ANKRD17: variants seen among roughly 807,000 people sequenced by gnomAD.
The protein encoded by ANKRD17 is ankyrin repeat domain-containing protein 17.
Under a neutral mutation model 229.7 loss-of-function variants are expected in ANKRD17, and 19 were observed. That is an observed-to-expected ratio of 0.08 (90% confidence interval 0.06 to 0.12). The LOEUF is 0.12. Among genes scored for constraint, ANKRD17 ranks in the 10% least tolerant of loss-of-function variants. The probability of loss-of-function intolerance (pLI) is 1.00; values close to 1 mark genes in which losing one functional copy is unlikely to be tolerated. For synonymous variants in ANKRD17, 1,112 were observed against 1,146.1 expected (o/e 0.97, Z 0.60); for missense variants, 2,176 against 3,176.8 (o/e 0.68, Z 7.57).
chr4:73,139,752 G>A lies in ANKRD17; in HGVS notation c.2864C>T (p.Pro955Leu), dbSNP rs1330310611. The part of the protein sequence containing the change: ...AAQMGFAPIQ[P>L]LAMPQALPLA... ...AGGCAAAGCTTGAGGCATCGCCAGA[G>A]GCTGGATTGGCGCAAAACCCATCTG... The change falls in exon 15 of 34, where the codon CCT becomes CTT. Residue 955 changes from proline (P) to leucine (L), a missense_variant. Pro to Leu is a moderately conservative substitution (Grantham distance 98). This residue lies in a region of ANKRD17 where 230 missense variants were observed against 252.3 expected (regional missense o/e 0.91). Transcript: ENST00000358602. The A allele has an allele frequency of 6.2e-7, 1 of 1,614,180 alleles. No homozygotes were observed. Among genetic ancestry groups the A allele is most frequent in the African/African-American group, 1.3e-5 (1 of 75,040 alleles).
chr4:73,098,566 G>A, intron 25 of ANKRD17, 46 bp from the exon 26 acceptor site: 1 of 1,542,244 alleles, frequency 6.5e-7, no homozygotes, highest in Non-Finnish European at 8.8e-7. Flanking sequence ...AGTGTTCCCA[G>A]AATGTATTTA....
intron 1 of ANKRD17, among the ~76,000 whole-genome samples, chr4:73,227,601 AT>A (rs1742642200): frequency 2.0e-5 from 3 of 152,192 alleles, no homozygotes; most frequent in Admixed American, 2.0e-4. Flanking sequence ...ATGTAAACAT[AT>A]AAAAATAATT....
intron 30 of ANKRD17, among the ~76,000 whole-genome samples, chr4:73,083,670 G>A (rs1721794966): frequency 6.6e-6 from 1 of 152,124 alleles, no homozygotes. Flanking sequence ...GGGTGGTGTG[G>A]TGGTACACGC....
chr4:73,083,695 C>T (rs1267381954), intron 30 of ANKRD17, among the ~76,000 whole-genome samples: 1 of 152,106 alleles, frequency 6.6e-6, no homozygotes, highest in Admixed American at 6.6e-5. Flanking sequence ...AATTCCAGCA[C>T]TTTGGGAGCT....
chr4:73,244,652 C>G (rs1744330124), intron 1 of ANKRD17, among the ~76,000 whole-genome samples: 1 of 152,110 alleles, frequency 6.6e-6, no homozygotes, highest in African/African-American at 2.4e-5. Context: ...GAATAACAAA[C>G]TTCTATCTTG....
At chr4:73,109,694 C>A (rs1383980895) in intron 24 of ANKRD17, among the ~76,000 whole-genome samples, 8 of 151,954 alleles carry the variant, frequency 5.3e-5, no homozygotes. Flanking sequence ...AAGCTACTGT[C>A]AGCATAAAAG....
intron 1 of ANKRD17, among the ~76,000 whole-genome samples, chr4:73,248,277 A>G (rs1744681937): frequency 6.6e-6 from 1 of 151,950 alleles, no homozygotes; most frequent in Non-Finnish European, 1.5e-5. Context: ...TCCAGGAGAC[A>G]CTCATAAAAG....
intron 2 of ANKRD17, among the ~76,000 whole-genome samples, chr4:73,162,207 C>G (rs761502706): frequency 6.6e-6 from 1 of 152,076 alleles, no homozygotes; most frequent in Non-Finnish European, 1.5e-5. Context: ...CACTACCATG[C>G]TTGGCTAATT....
At chr4:73,131,489 T>G (rs1197042315) in intron 16 of ANKRD17, among the ~76,000 whole-genome samples, 1 of 152,216 alleles carries the variant, frequency 6.6e-6, no homozygotes, top group African/African-American at 2.4e-5. Flanking sequence ...ATGTTAAGTA[T>G]GCAAAGATGA....
chr4:73,192,896 T>G (rs1351627872), intron 1 of ANKRD17, among the ~76,000 whole-genome samples: 1 of 152,144 alleles, frequency 6.6e-6, no homozygotes. Flanking sequence ...TTATGTTCTC[T>G]TCTTTTAATT....
At chr4:73,153,053 C>T (rs1310718646) in intron 6 of ANKRD17, among the ~76,000 whole-genome samples, 1 of 152,078 alleles carries the variant, frequency 6.6e-6, no homozygotes, top group Admixed American at 6.6e-5. Context: ...AACACCAGGG[C>T]CAGAACTAGG....
At chr4:73,104,081 T>C (rs920602911) in intron 24 of ANKRD17, 39 of 152,172 alleles carry the variant, frequency 2.6e-4, no homozygotes, top group Non-Finnish European at 7.3e-5. Flanking sequence ...ATACCCATAC[T>C]TTCTCCAGCA....
chr4:73,257,280 G>C (rs1471349087), intron 1 of ANKRD17, among the ~76,000 whole-genome samples: 2 of 152,216 alleles, frequency 1.3e-5, no homozygotes, highest in East Asian at 1.9e-4. Context: ...TTGGTTGTCA[G>C]TATGGTATGT....
intron 1 of ANKRD17, among the ~76,000 whole-genome samples, chr4:73,233,922 G>C (rs1338303868): frequency 6.6e-6 from 1 of 151,888 alleles, no homozygotes; most frequent in Admixed American, 6.6e-5. Context: ...TTGTCCTTAA[G>C]AGTTCTAAAA....
intron 1 of ANKRD17, among the ~76,000 whole-genome samples, chr4:73,229,076 T>A (rs544680394): frequency 3.3e-4 from 50 of 152,150 alleles, no homozygotes; most frequent in Non-Finnish European, 6.3e-4. Context: ...AGGTGGGAAT[T>A]GAACAATGAG....
At chr4:73,111,988 A>G (rs1725375912) in intron 24 of ANKRD17, among the ~76,000 whole-genome samples, 2 of 152,236 alleles carry the variant, frequency 1.3e-5, no homozygotes. Context: ...GTGCTTGTGA[A>G]GAGGAAACTA....
intron 1 of ANKRD17, among the ~76,000 whole-genome samples, chr4:73,246,078 TAACA>T (rs1744474290): frequency 6.6e-6 from 1 of 152,074 alleles, no homozygotes; most frequent in Non-Finnish European, 1.5e-5. Flanking sequence ...CTAAGGAAGA[TAACA>T]AACAAGAAAG....
In ANKRD17 at chr4:73,121,774, G is replaced by T; in HGVS notation, c.3493-15C>A. 6.4e-7 allele frequency: 1 copy of T among 1,568,600 alleles called. No homozygotes were observed. The highest frequency in any genetic ancestry group is 8.6e-7 in the Non-Finnish European group (1 of 1,164,822). On this transcript the variant is annotated splice_polypyrimidine_tract_variant and intron_variant, in intron 18 of 33. Coordinates refer to ENST00000358602, the MANE Select transcript of ANKRD17 (RefSeq NM_032217.5). The stretch of plus-strand genomic sequence containing the variant: ...AGCTCCACCACCTGAAAATAAAATA[G>T]AAAAAAATATGTTTTCTTATGGAGA...
At chr4:73,202,280 C>T (rs1347143977) in intron 1 of ANKRD17, among the ~76,000 whole-genome samples, 2 of 117,016 alleles carry the variant, frequency 1.7e-5, no homozygotes, top group East Asian at 2.8e-4. Flanking sequence ...TTCTGTCAAA[C>T]CTAGCAGTAT....
Sources: gnomAD v4.1 joint callset for allele counts (sites outside exome capture counted in the v4.1 genomes callset) on GRCh38, gnomAD v4.1.1 for gene constraint, gnomAD v4.1.1 regional missense constraint, MANE v1.5 for transcripts, NCBI Gene and HGNC (gene_info 2026-07-23, HGNC 2026-07-21) for gene names.